CBLC: variants seen among roughly 807,000 people sequenced by gnomAD.
The protein encoded by CBLC is E3 ubiquitin-protein ligase CBL-C.
Under a neutral mutation model 58.6 loss-of-function variants are expected in CBLC, and 46 were observed. The ratio of observed to expected loss-of-function variants is 0.79; its 90% CI spans 0.62 to 1.00. The LOEUF (loss-of-function observed/expected upper bound fraction) is 1.00, where lower values mean the gene tolerates loss of function less well. Ranked by LOEUF, CBLC falls within the 50% of genes least tolerant of loss-of-function variation. The pLI is 0.00. For synonymous variants in CBLC, 271 were observed against 264.2 expected, an observed-to-expected ratio of 1.03 and a Z score of -0.25; for missense variants, 655 against 625.8, an observed-to-expected ratio of 1.05 and a Z score of -0.50.
At chr19:44,796,831 G>A (rs1030566522) in intron 9 of CBLC, among the ~76,000 whole-genome samples, 2 of 151,338 alleles carry the variant, frequency 1.3e-5, no homozygotes, top group African/African-American at 4.8e-5. Context: ...ATACTGAGCT[G>A]TCTTCAAACA....
rs766135820 is a variant in CBLC, at chr19:44,780,138, A to AT, written c.354-752dup. On this transcript the variant is annotated intron_variant, in intron 1 of 10. Coordinates refer to ENST00000647358, the MANE Select transcript of CBLC (RefSeq NM_012116.4). ...CTGGATTTCTGCAAAATTCAGCGTAATTTTTTTTTTTTTTTAGACATGGTC... is the reference window on the plus strand; with the variant it reads ...CTGGATTTCTGCAAAATTCAGCGTAATTTTTTTTTTTTTTTTAGACATGGTC... 8.3e-3 allele frequency among the ~76,000 whole-genome samples: 1,161 copies of AT among 140,386 alleles called. 5 individuals carry two copies. The highest frequency in any genetic ancestry group is 0.011 in the Middle Eastern group (3 of 268). 92.1% of individuals were successfully genotyped at this position (140,386 alleles called of 152,430 possible). A position where few individuals can be genotyped will look rare whatever the true frequency, so the allele number is the denominator to read the frequency against.
intron 3 of CBLC, 92 bp from the exon 4 acceptor site, chr19:44,782,278 G>A (rs1901094462): frequency 1.3e-6 from 2 of 1,562,092 alleles, no homozygotes; most frequent in South Asian, 1.2e-5. Context: ...TGGGTGTGAA[G>A]GAGGTGGTTG....
At chr19:44,800,290 C>CT in intron 9 of CBLC, 91 bp from the exon 10 acceptor site, 2 of 901,786 alleles carry the variant, frequency 2.2e-6, no homozygotes, top group East Asian at 2.5e-5. Flanking sequence ...CTGGGACTCC[C>CT]AGGTCTAAGA....
chr19:44,783,551 C>A (rs563690072), intron 4 of CBLC, among the ~76,000 whole-genome samples: 4 of 150,538 alleles, frequency 2.7e-5, no homozygotes, highest in African/African-American at 9.8e-5. Context: ...CATGGTGATG[C>A]GTGCCTATAG....
chr19:44,797,213 G>A lies in CBLC; in HGVS notation c.1362+2932G>A, dbSNP rs529813323. 2.6e-5 allele frequency among the ~76,000 whole-genome samples: 4 copies of A among 152,178 alleles called. No individual in the cohort carries two copies. The South Asian group carries it at 6.2e-4, about 24-fold the overall frequency. ...CATACCACAGAAGAGACAGCCTTGG[G>A]TTTGTTACTTCTCAGCAAGGCACTG... On this transcript the variant is annotated intron_variant, in intron 9 of 10. Coordinates refer to ENST00000647358, the MANE Select transcript of CBLC (RefSeq NM_012116.4).
chr19:44,791,125 G>GAAAA (rs201352566), intron 6 of CBLC, among the ~76,000 whole-genome samples: 1 of 140,394 alleles, frequency 7.1e-6, no homozygotes, highest in Non-Finnish European at 1.6e-5. Context: ...TCTCAAGAAA[G>GAAAA]AAAAAAAAAA....
At position 44,782,483 on chromosome 19, in the gene CBLC, G is replaced by A. The variant is rs1457293067; in HGVS notation, c.771G>A (p.Lys257=). The part of the protein sequence containing the change: ...VQERLQACRD[K]PGSYIFRPSC... ...AGCGTCTGCAGGCCTGCAGGGACAA[G>A]CCAGGCAGGTAAAGGGTCCAGGGCT... is the stretch of plus-strand genomic sequence containing the variant. Residue 257 remains lysine (K), a synonymous_variant, in exon 4 of 11, where the codon AAG becomes AAA. Coordinates refer to ENST00000647358, the MANE Select transcript of CBLC (RefSeq NM_012116.4). The A allele has an allele frequency of 6.2e-7, 1 of 1,613,468 alleles. No individual in the cohort carries two copies. The highest frequency in any genetic ancestry group is 8.5e-7 in the Non-Finnish European group (1 of 1,179,570).
chr19:44,782,428 T>G lies in CBLC; in HGVS notation c.716T>G (p.Met239Arg). 1 of 1,613,774 alleles carries G rather than the reference T, an allele frequency of 6.2e-7. No homozygotes were observed. Among genetic ancestry groups the G allele is most frequent in the Non-Finnish European group, 8.5e-7 (1 of 1,179,822 alleles). The change falls in exon 4 of 11, where the codon ATG becomes AGG. Residue 239 changes from methionine (M) to arginine (R), a missense_variant. Physicochemically the swap from Met to Arg is moderately conservative, Grantham distance 91 (BLOSUM62 -1). Around this residue, in one of 3 missense-constraint regions of CBLC, gnomAD observed 371 missense variants for 370.8 expected, o/e 1.00. Transcript: ENST00000647358. The stretch of plus-strand genomic sequence containing the variant: ...CTGGCAGTCAACCACCCAGGCTACA[T>G]GGCCTTCCTCACCTATGATGAGGTC... ...QLLAVNHPGYMAFLTYDEVQE... is the reference protein window; with the variant it reads ...QLLAVNHPGYRAFLTYDEVQE...
chr19:44,794,961 T>C (rs1424673128), intron 9 of CBLC, among the ~76,000 whole-genome samples: 2 of 108,466 alleles, frequency 1.8e-5, no homozygotes, highest in Non-Finnish European at 3.5e-5. Context: ...TCCCAGTACT[T>C]TTTTTTTTTT....
rs772149528 is a variant in CBLC, at chr19:44,781,192, C to G, written c.501-15C>G. ...GAGGCCTCAGCGGTGTCTCCCCCAC[C>G]CCTCTCCCACCCAGGTGTGTGCTGC... On this transcript the variant is annotated splice_polypyrimidine_tract_variant and intron_variant, in intron 2 of 10. Transcript: ENST00000647358. The G allele has an allele frequency of 3.7e-6, 6 of 1,602,894 alleles. No homozygotes were observed. The highest frequency in any genetic ancestry group is 5.1e-6 in the Non-Finnish European group (6 of 1,173,672).
intron 5 of CBLC, among the ~76,000 whole-genome samples, chr19:44,785,165 C>T (rs1967865613): frequency 6.6e-6 from 1 of 150,854 alleles, no homozygotes; most frequent in Admixed American, 6.6e-5. Flanking sequence ...TTAGTAGAGA[C>T]AGGGTTTCAC....
Position 44,782,228 on chromosome 19 carries a change from G to A in CBLC, c.658-142G>A, listed in dbSNP as rs532883505. 5 of 1,244,806 alleles carry A rather than the reference G, an allele frequency of 4.0e-6. No individual in the cohort carries two copies. The South Asian group carries it at 4.4e-5, about 11-fold the overall frequency. The allele number at this position is 1,244,806 out of a possible 1,614,324, so 77.1% of individuals were successfully genotyped here. On this transcript the variant is annotated intron_variant, in intron 3 of 10. Transcript: ENST00000647358. The stretch of plus-strand genomic sequence containing the variant: ...ACTCCTGAGTTCTGGAGAAAGAAGA[G>A]CTTGGGGTCTTGTAAAAGGGATATG...
At chr19:44,790,159 A>G (rs1327714372) in intron 6 of CBLC, 68 bp downstream of exon 6, 46 of 1,225,930 alleles carry the variant, frequency 3.8e-5, no homozygotes, top group Middle Eastern at 3.7e-4. Flanking sequence ...GCCTTGGCTC[A>G]GAGGCCTGGG....
Position 44,790,048 on chromosome 19 carries a change from A to G in CBLC, c.962A>G (p.Glu321Gly). Residue 321 changes from glutamate to glycine, a missense_variant, in exon 6 of 11, where the codon GAG becomes GGG. This residue lies in a region of CBLC where 371 missense variants were observed against 370.8 expected (regional missense o/e 1.00). Transcript: ENST00000647358. Reference sequence around the variant, plus strand: ...AAGACCCACAACCCAGACCTGACTGAGCTCGGCCAGGCAGAACCCCAGCAG... The same window carrying G: ...AAGACCCACAACCCAGACCTGACTGGGCTCGGCCAGGCAGAACCCCAGCAG... Reference protein sequence around the residue: ...DGKTHNPDLTELGQAEPQQRI... With the variant: ...DGKTHNPDLTGLGQAEPQQRI... 6.2e-7 allele frequency: 1 copy of G among 1,613,898 alleles called. No individual in the cohort carries two copies. The highest frequency in any genetic ancestry group is 8.5e-7 in the Non-Finnish European group (1 of 1,179,966).
chr19:44,785,623 T>A (rs1419020415), intron 5 of CBLC, among the ~76,000 whole-genome samples: 1 of 152,004 alleles, frequency 6.6e-6, no homozygotes, highest in Non-Finnish European at 1.5e-5. Context: ...TTATTATTAA[T>A]TTTTTAATAT....
At chr19:44,797,569 C>T (rs12972139) in intron 9 of CBLC, among the ~76,000 whole-genome samples, 2 of 130,260 alleles carry the variant, frequency 1.5e-5, no homozygotes, top group Non-Finnish European at 3.3e-5. Flanking sequence ...ATGTGCCTGG[C>T]ATTGCTTTTT....
At chr19:44,786,455 C>T (rs1438294213) in intron 5 of CBLC, among the ~76,000 whole-genome samples, 4 of 150,884 alleles carry the variant, frequency 2.7e-5, no homozygotes, top group Non-Finnish European at 5.9e-5. Context: ...ATTAGCCGGG[C>T]GTGGTGGCGG....
At chr19:44,781,861 G>A (rs1238185732) in intron 3 of CBLC, among the ~76,000 whole-genome samples, 1 of 134,866 alleles carries the variant, frequency 7.4e-6, no homozygotes, top group African/African-American at 3.0e-5. Flanking sequence ...GGAGAGGGCG[G>A]GGGGCCTGGA....
intron 9 of CBLC, 37 bp from the exon 10 acceptor site, chr19:44,800,344 G>A (rs768379559): frequency 2.4e-5 from 35 of 1,448,590 alleles, no homozygotes; most frequent in South Asian, 2.3e-5. Flanking sequence ...ATTGGATGCC[G>A]GGAATCAACC....
Sources: gnomAD v4.1 joint callset for allele counts (sites outside exome capture counted in the v4.1 genomes callset) on GRCh38, gnomAD v4.1.1 for gene constraint, gnomAD v4.1.1 regional missense constraint, MANE v1.5 for transcripts, NCBI Gene and HGNC (gene_info 2026-07-23, HGNC 2026-07-21) for gene names.